Variants in WDR7 observed in about 807,000 individuals in gnomAD.
The protein encoded by WDR7 is WD repeat-containing protein 7.
A neutral mutation model predicts 169.4 loss-of-function variants in WDR7; 46 were observed. That is an observed-to-expected ratio of 0.27 (90% CI 0.21 to 0.35). The LOEUF is 0.35. Ranked by LOEUF, WDR7 falls within the 10% of genes least tolerant of loss-of-function variation. The pLI, the probability that WDR7 is intolerant of heterozygous loss-of-function variation, is 1.00. For missense variants in WDR7, 1,534 were observed against 1,859.3 expected (o/e 0.83, Z 3.22); for synonymous variants, 612 against 666.8 (o/e 0.92, Z 1.27).
At position 56,692,873 on chromosome 18, in the gene WDR7, A is replaced by G. The variant is rs889893373; in HGVS notation, c.966+1056A>G. Among the ~76,000 whole-genome samples the G allele has an allele frequency of 2.0e-5, 3 of 151,990 alleles. No individual in the cohort carries two copies. In the East Asian group the frequency reaches 5.8e-4, roughly 29 times the overall value. ...ATATAGTTTATCAATTAAAAATTTTAGTCTGGGCGACATAGTGAGACCCCA... is the reference window on the plus strand; with the variant it reads ...ATATAGTTTATCAATTAAAAATTTTGGTCTGGGCGACATAGTGAGACCCCA... On this transcript the variant is annotated intron_variant, in intron 9 of 27. Coordinates refer to ENST00000254442, the MANE Select transcript of WDR7 (RefSeq NM_015285.3).
At chr18:56,771,592 A>G in intron 16 of WDR7, among the ~76,000 whole-genome samples, 1 of 149,974 alleles carries the variant, frequency 6.7e-6, no homozygotes, top group African/African-American at 2.5e-5. Flanking sequence ...AAGAAAAAAA[A>G]AAATACTGGC....
chr18:56,886,178 AG>A (rs2046190297), intron 21 of WDR7, among the ~76,000 whole-genome samples: 1 of 152,236 alleles, frequency 6.6e-6, no homozygotes, highest in African/African-American at 2.4e-5. Flanking sequence ...CATAGTCATC[AG>A]GTTATCTAAA....
intron 21 of WDR7, among the ~76,000 whole-genome samples, chr18:56,887,467 C>A (rs57503461): frequency 0.06 from 9,058 of 152,100 alleles, 929 homozygotes; most frequent in African/African-American, 0.21. Context: ...TATTTATGAG[C>A]GATTTTGGGA....
Position 56,674,929 on chromosome 18 carries a change from G to A in WDR7, c.159+2255G>A, listed in dbSNP as rs555750993. 2.0e-5 allele frequency among the ~76,000 whole-genome samples: 3 copies of A among 152,242 alleles called. No homozygotes were observed. In the South Asian group the frequency reaches 6.2e-4, roughly 32 times the overall value. On this transcript the variant is annotated intron_variant, in intron 2 of 27. Coordinates refer to ENST00000254442, the MANE Select transcript of WDR7 (RefSeq NM_015285.3). The stretch of plus-strand genomic sequence containing the variant: ...CCTAGCACTATTGGTCAGAAGGACT[G>A]CTTGTTCTCCATTGAATGCTATTGG...
At chr18:57,007,141 A>G (rs1337426859) in intron 26 of WDR7, among the ~76,000 whole-genome samples, 1 of 151,852 alleles carries the variant, frequency 6.6e-6, no homozygotes, top group Admixed American at 6.6e-5. Context: ...CACAACACCC[A>G]GCTAATTTTT....
At chr18:56,783,155 A>G (rs2044344807) in intron 19 of WDR7, among the ~76,000 whole-genome samples, 1 of 51,584 alleles carries the variant, frequency 1.9e-5, no homozygotes, top group Admixed American at 3.2e-4. Flanking sequence ...AATAAAGCAA[A>G]TTAAGTTAAA....
chr18:56,897,565 G>A (rs1378174441), intron 21 of WDR7, among the ~76,000 whole-genome samples: 1 of 151,906 alleles, frequency 6.6e-6, no homozygotes, highest in East Asian at 1.9e-4. Context: ...CTAAGAAAGG[G>A]GGTGAATTCA....
chr18:56,994,016 C>CT (rs35579782), intron 26 of WDR7, among the ~76,000 whole-genome samples: 89 of 129,190 alleles, frequency 6.9e-4, no homozygotes, highest in East Asian at 1.7e-3. Context: ...CTTTTTTTTT[C>CT]TTTTTTTTTT....
chr18:57,007,219 T>TC (rs1463291518), intron 26 of WDR7, among the ~76,000 whole-genome samples: 7 of 152,200 alleles, frequency 4.6e-5, no homozygotes, highest in Admixed American at 4.6e-4. Flanking sequence ...GACCTCGTGA[T>TC]CCACCCGCCT....
At chr18:56,908,399 T>C (rs1473376208) in intron 21 of WDR7, among the ~76,000 whole-genome samples, 1 of 152,234 alleles carries the variant, frequency 6.6e-6, no homozygotes, top group East Asian at 1.9e-4. Context: ...TCAGCACTTC[T>C]TTGATTACGA....
chr18:56,678,906 C>T (rs2025300473), intron 2 of WDR7, among the ~76,000 whole-genome samples: 3 of 152,170 alleles, frequency 2.0e-5, no homozygotes, highest in Non-Finnish European at 1.5e-5. Context: ...TTCATCCTTT[C>T]CCTCACACAA....
intron 20 of WDR7, among the ~76,000 whole-genome samples, chr18:56,859,017 T>C (rs1194503897): frequency 6.6e-6 from 1 of 152,122 alleles, no homozygotes; most frequent in Non-Finnish European, 1.5e-5. Context: ...GTGGTCAGGA[T>C]AGGATTCAAC....
At chr18:56,750,462 A>T (rs2043774535) in intron 14 of WDR7, among the ~76,000 whole-genome samples, 1 of 152,218 alleles carries the variant, frequency 6.6e-6, no homozygotes, top group Non-Finnish European at 1.5e-5. Flanking sequence ...CTTCATAAGG[A>T]CAGAGGCTTT....
At chr18:56,975,192 C>A (rs556339385) in intron 26 of WDR7, among the ~76,000 whole-genome samples, 2 of 151,292 alleles carry the variant, frequency 1.3e-5, no homozygotes, top group African/African-American at 4.9e-5. Flanking sequence ...GCTGAGATCA[C>A]GCCACTGCAC....
chr18:57,020,089 G>A (rs983414875), intron 26 of WDR7, among the ~76,000 whole-genome samples: 3 of 152,124 alleles, frequency 2.0e-5, no homozygotes, highest in African/African-American at 7.2e-5. Flanking sequence ...ATTATTCATG[G>A]TTAAATCAAT....
At chr18:56,761,411 A>G (rs1470834475) in intron 16 of WDR7, among the ~76,000 whole-genome samples, 4 of 152,144 alleles carry the variant, frequency 2.6e-5, no homozygotes, top group Admixed American at 6.5e-5. Context: ...CTGTAATGAG[A>G]CTTGATATTC....
chr18:56,893,029 C>G (rs2046285138), intron 21 of WDR7, among the ~76,000 whole-genome samples: 2 of 151,954 alleles, frequency 1.3e-5, no homozygotes, highest in South Asian at 4.1e-4. Flanking sequence ...ATTTTTTGGT[C>G]TAGAATGTGA....
chr18:56,948,823 A>G (rs1261238926), intron 25 of WDR7, among the ~76,000 whole-genome samples: 1 of 152,122 alleles, frequency 6.6e-6, no homozygotes, highest in Non-Finnish European at 1.5e-5. Context: ...ACAGGCTTAC[A>G]CGTGTCAGGG....
chr18:57,035,341 A>G, the WDR7 span: 3,088 of 152,434 alleles, frequency 0.02, 39 homozygotes, highest in East Asian at 0.06. Context: ...GGGAGAGTTT[A>G]TCGATAGGAG....
Sources: gnomAD v4.1 joint callset for allele counts (sites outside exome capture counted in the v4.1 genomes callset) on GRCh38, gnomAD v4.1.1 for gene constraint, MANE v1.5 for transcripts, NCBI Gene and HGNC (gene_info 2026-07-23, HGNC 2026-07-21) for gene names.